Variants in GSTT4 observed in about 807,000 individuals in gnomAD.
GSTT4 encodes glutathione S-transferase theta 4, also known as glutathione S-transferase theta-4.
At chr22:23,989,961 A>G in the GSTT4 span, among the ~76,000 whole-genome samples, 2 of 150,998 alleles carry the variant, frequency 1.3e-5, no homozygotes, top group Non-Finnish European at 3.0e-5. Flanking sequence ...GTTCTGTAGC[A>G]GGTGACTCAA....
downstream of GSTT4, among the ~76,000 whole-genome samples, chr22:23,995,938 T>C (rs2146222762): frequency 6.6e-6 from 1 of 152,210 alleles, no homozygotes; most frequent in South Asian, 2.1e-4. Context: ...CCCTGCAACC[T>C]TGCTGAACTT....
chr22:24,003,377 T>A (rs538589887), intron 2 of GSTT4, among the ~76,000 whole-genome samples: 10 of 75,712 alleles, frequency 1.3e-4, no homozygotes, highest in Non-Finnish European at 2.4e-4. Flanking sequence ...TGCTGGCTAA[T>A]TTTTGTATTT....
downstream of GSTT4, among the ~76,000 whole-genome samples, chr22:23,996,954 G>T (rs431756): frequency 6.6e-5 from 10 of 151,908 alleles, no homozygotes; most frequent in Admixed American, 2.6e-4. Context: ...GAAGCCATCT[G>T]GTCCTGGGCT....
downstream of GSTT4, among the ~76,000 whole-genome samples, chr22:23,997,316 G>C (rs1024915593): frequency 6.6e-6 from 1 of 151,858 alleles, no homozygotes; most frequent in Non-Finnish European, 1.5e-5. Context: ...TCTTGGACTC[G>C]AGTGATCCTC....
At chr22:23,990,490 C>T in the GSTT4 span, among the ~76,000 whole-genome samples, 3 of 73,128 alleles carry the variant, frequency 4.1e-5, no homozygotes, top group East Asian at 3.0e-4. Context: ...GGCACGGGGA[C>T]GTGCCTGTAG....
rs1232729994 is a variant in GSTT4 at position 23,998,440 on chromosome 22, G to GTTTTTTTTTT, written c.*101_*102insAAAAAAAAAA. 8.6e-5 allele frequency: 12 copies of GTTTTTTTTTT among 140,010 alleles called. No individual in the cohort carries two copies. The East Asian group carries it at 8.7e-4, about 10-fold the overall frequency. The allele number at this position is 140,010 out of a possible 1,614,324, so 8.7% of individuals were successfully genotyped here. On this transcript the variant is annotated 3_prime_UTR_variant, in exon 5 of 5. Transcript: ENST00000621179. ...GTTCTTTATTAGGCAAAGAACAGTTGTTTTTTTGTTTTTTTGTTTTTTTTT... is the reference window on the plus strand; with the variant it reads ...GTTCTTTATTAGGCAAAGAACAGTTGTTTTTTTTTTTTTTTTTGTTTTTTTGTTTTTTTTT...
rs1205101328 is a variant in GSTT4, at chr22:24,000,065, C to G, written c.528+10G>C. 1.9e-5 allele frequency: 3 copies of G among 155,894 alleles called. No homozygotes were observed. The highest frequency in any genetic ancestry group is 7.2e-5 in the African/African-American group (3 of 41,528). The allele number at this position is 155,894 out of a possible 1,614,324, so 9.7% of individuals were successfully genotyped here. On this transcript the variant is annotated intron_variant, in intron 4 of 4. Coordinates refer to ENST00000621179, the MANE Select transcript of GSTT4 (RefSeq NM_001358664.2). The stretch of plus-strand genomic sequence containing the variant: ...CCCAGGGTCTAACCCTCCTCCAATC[C>G]ACTCCACACCTGCATCATCTCCACC...
chr22:24,003,981 A>T (rs1282100552), intron 1 of GSTT4, 134 bp from the exon 2 acceptor site: 2 of 153,104 alleles, frequency 1.3e-5, no homozygotes, highest in Non-Finnish European at 2.9e-5. Flanking sequence ...ATTGCGTCTC[A>T]CCCCAGGTCA....
chr22:23,992,554 C>T, the GSTT4 span, among the ~76,000 whole-genome samples: 3 of 151,144 alleles, frequency 2.0e-5, no homozygotes, highest in Non-Finnish European at 4.4e-5. Context: ...GCAGAAGGGC[C>T]ATGCACTTGG....
downstream of GSTT4, among the ~76,000 whole-genome samples, chr22:23,995,773 T>C (rs751747413): frequency 3.3e-5 from 5 of 152,160 alleles, no homozygotes; most frequent in Non-Finnish European, 7.3e-5. Flanking sequence ...CAACAGCACA[T>C]TGTAGTTTGC....
chr22:24,002,449 C>T (rs1310320049), intron 2 of GSTT4, among the ~76,000 whole-genome samples: 15 of 152,278 alleles, frequency 9.9e-5, no homozygotes, highest in African/African-American at 3.6e-4. Flanking sequence ...TCATCACCAG[C>T]AGCAACCATG....
At position 23,998,463 on chromosome 22, in the gene GSTT4, T is replaced by G. The variant is rs879185995; in HGVS notation, c.*79A>C. 161 of 44,966 alleles carry G rather than the reference T, an allele frequency of 3.6e-3. 2 individuals carry two copies. In the South Asian group the frequency reaches 0.089, roughly 25 times the overall value. 2.8% of individuals were successfully genotyped at this position (44,966 alleles called of 1,614,324 possible). A position where few individuals can be genotyped will look rare whatever the true frequency, so the allele number is the denominator to read the frequency against. ...TTGTTTTTTTGTTTTTTTGTTTTTT[T>G]TTTTTTAACATTTCCTTTAAGGAAG... On this transcript the variant is annotated 3_prime_UTR_variant, in exon 5 of 5. Coordinates refer to ENST00000621179, the MANE Select transcript of GSTT4 (RefSeq NM_001358664.2).
intron 3 of GSTT4, among the ~76,000 whole-genome samples, chr22:24,000,620 A>C (rs1206401134): frequency 7.0e-6 from 1 of 143,868 alleles, no homozygotes; most frequent in Non-Finnish European, 1.5e-5. Context: ...GTGCAGTGGC[A>C]CAATCTTGGC....
chr22:23,998,424 T>C lies in GSTT4; in HGVS notation c.*118A>G, dbSNP rs191942213. ...TGTGATGGTTGTTCCAGTTCTTTAT[T>C]AGGCAAAGAACAGTTGTTTTTTTGT... is the stretch of plus-strand genomic sequence containing the variant. On this transcript the variant is annotated 3_prime_UTR_variant, in exon 5 of 5. Coordinates refer to ENST00000621179, the MANE Select transcript of GSTT4 (RefSeq NM_001358664.2). 15 of 153,028 alleles carry C rather than the reference T, an allele frequency of 9.8e-5. No homozygotes were observed. Among genetic ancestry groups the C allele is most frequent in the Admixed American group, 6.0e-4 (9 of 15,108 alleles). The allele number at this position is 153,028 out of a possible 1,614,324, so 9.5% of individuals were successfully genotyped here. A position where few individuals can be genotyped will look rare whatever the true frequency, so the allele number is the denominator to read the frequency against.
downstream of GSTT4, among the ~76,000 whole-genome samples, chr22:23,997,273 G>A (rs1337535200): frequency 6.6e-6 from 1 of 151,956 alleles, no homozygotes; most frequent in Non-Finnish European, 1.5e-5. Flanking sequence ...CTGGAGTGCA[G>A]TGGTGCAATC....
intron 2 of GSTT4, among the ~76,000 whole-genome samples, chr22:24,002,160 G>T (rs2034244384): frequency 6.6e-6 from 1 of 152,284 alleles, no homozygotes; most frequent in Admixed American, 6.5e-5. Context: ...CCCTGGAGGT[G>T]CAGGGAGGTT....
downstream of GSTT4, among the ~76,000 whole-genome samples, chr22:23,994,171 C>T (rs1447309394): frequency 7.0e-6 from 1 of 142,632 alleles, no homozygotes; most frequent in Non-Finnish European, 1.6e-5. Context: ...ATTTATGCTT[C>T]ATATTTTTTG....
At chr22:24,004,724 A>G in intron 1 of GSTT4, 1 of 153,572 alleles carries the variant, frequency 6.5e-6, no homozygotes, top group Non-Finnish European at 1.4e-5. Flanking sequence ...TTCTCCTCGA[A>G]AAGCCTGTTC....
chr22:24,000,261 G>C lies in GSTT4; in HGVS notation c.352-10C>G, dbSNP rs2034199430. 2.0e-5 allele frequency: 3 copies of C among 153,218 alleles called. No homozygotes were observed. Among genetic ancestry groups the C allele is most frequent in the African/African-American group, 7.3e-5 (3 of 41,358 alleles). The allele number at this position is 153,218 out of a possible 1,614,324, so 9.5% of individuals were successfully genotyped here. ...TCTTTGGGATCAGCAACTGGCCAGG[G>C]TTGGGAAGAGGAGGGAAGAGGAGGC... On this transcript the variant is annotated splice_polypyrimidine_tract_variant and intron_variant, in intron 3 of 4. Transcript: ENST00000621179.
Sources: gnomAD v4.1 joint callset for allele counts (sites outside exome capture counted in the v4.1 genomes callset) on GRCh38, gnomAD v4.1.1 for gene constraint, MANE v1.5 for transcripts, NCBI Gene and HGNC (gene_info 2026-07-23, HGNC 2026-07-21) for gene names.